The following PHC2 variants were observed in gnomAD, a reference collection of about 807,000 sequenced individuals.
PHC2 encodes polyhomeotic-like protein 2.
In PHC2, 29 loss-of-function variants were observed where a neutral mutation model predicts 87.4. The ratio of observed to expected loss-of-function variants is 0.33; its 90% CI spans 0.25 to 0.45. PHC2 has a LOEUF of 0.45. PHC2 is among the 20% of genes least tolerant of loss of function. PHC2 has a pLI of 1.00. For synonymous variants in PHC2, 438 were observed against 461.7 expected (o/e 0.95, Z 0.66); for missense variants, 857 against 1,136.7 (o/e 0.75, Z 3.54).
At chr1:33,430,862 G>C (rs1481260202) in intron 1 of PHC2, 114 bp downstream of exon 1, 1 of 150,312 alleles carries the variant, frequency 6.7e-6, no homozygotes, top group African/African-American at 2.4e-5. Context: ...GCTCCGGCCC[G>C]ACCGTGACAG....
At chr1:33,414,819 G>A (rs1238169322) in intron 1 of PHC2, among the ~76,000 whole-genome samples, 1 of 152,158 alleles carries the variant, frequency 6.6e-6, no homozygotes, top group Non-Finnish European at 1.5e-5. Flanking sequence ...TATTTTAAAT[G>A]ACAGAATTTC....
intron 7 of PHC2, among the ~76,000 whole-genome samples, chr1:33,360,714 T>A (rs1647180601): frequency 6.6e-6 from 1 of 152,260 alleles, no homozygotes. Flanking sequence ...CATTTAAATC[T>A]AATTTATTTC....
intron 9 of PHC2, chr1:33,347,177 G>A: frequency 2.0e-6 from 2 of 985,290 alleles, no homozygotes; most frequent in Non-Finnish European, 2.4e-6. Context: ...GCTGAGGGAA[G>A]GGCTTGGTGG....
intron 14 of PHC2, among the ~76,000 whole-genome samples, chr1:33,327,610 G>A (rs116272364): frequency 2.4e-3 from 373 of 152,350 alleles, no homozygotes; most frequent in African/African-American, 8.5e-3. Context: ...GAAAATGCCA[G>A]TACGTGGCTT....
intron 9 of PHC2, among the ~76,000 whole-genome samples, chr1:33,352,168 G>T (rs1302274374): frequency 6.6e-6 from 1 of 152,152 alleles, no homozygotes; most frequent in Non-Finnish European, 1.5e-5. Flanking sequence ...GGGGTTTCTG[G>T]ATTACAAACA....
chr1:33,332,467 C>A lies in PHC2; in HGVS notation c.1762-63G>T, dbSNP rs577439356. ...TGGGAGCGGCTTCCTTGCTATCCAT[C>A]CTCATCACAATTACACGTATAAAGT... On this transcript the variant is annotated intron_variant, in intron 10 of 14. Transcript: ENST00000683057. This position sits in a 1 kb window ranked among gnomAD's most constrained non-coding sequence, Gnocchi z 4.2. 27 of 1,592,464 alleles carry A rather than the reference C, an allele frequency of 1.7e-5. No homozygotes were observed. In the South Asian group the frequency reaches 2.8e-4, roughly 16 times the overall value.
chr1:33,354,539 T>G lies in PHC2; in HGVS notation c.1420A>C (p.Lys474Gln), dbSNP rs1435350978. Residue 474 changes from lysine (K) to glutamine (Q), a missense_variant, in exon 9 of 15, where the codon AAA becomes CAA. Coordinates refer to ENST00000683057, the MANE Select transcript of PHC2 (RefSeq NM_001385109.1). ...VPQQCVPDDW[K>Q]EVAPGEKSVP... ...CTTTTCTCCCCTGGTGCCACTTCTT[T>G]CCAGTCATCAGGGACACACTGCTGG... 6.2e-7 allele frequency: 1 copy of G among 1,613,860 alleles called. No homozygotes were observed. The highest frequency in any genetic ancestry group is 8.5e-7 in the Non-Finnish European group (1 of 1,179,932).
At chr1:33,373,191 C>T (rs1570495730) in intron 2 of PHC2, among the ~76,000 whole-genome samples, 1 of 152,146 alleles carries the variant, frequency 6.6e-6, no homozygotes, top group African/African-American at 2.4e-5. Context: ...GATCTCGGCT[C>T]ACTGCAACCT....
rs555959736 is a variant in PHC2, at chr1:33,368,374, T to C, written c.663+162A>G. Among the ~76,000 whole-genome samples, 1 of 152,326 alleles carries C rather than the reference T, an allele frequency of 6.6e-6. No homozygotes were observed. The highest frequency in any genetic ancestry group is 1.9e-4 in the East Asian group (1 of 5,174). ...ACAGAGCCAGGAGGGACTGAGGCCT[T>C]CTGGAACAGGGTAGACGCGCAGGCC... On this transcript the variant is annotated intron_variant, in intron 6 of 14. Coordinates refer to ENST00000683057, the MANE Select transcript of PHC2 (RefSeq NM_001385109.1). This position sits in a 1 kb window ranked among gnomAD's most constrained non-coding sequence, Gnocchi z 6.6.
intron 1 of PHC2, among the ~76,000 whole-genome samples, chr1:33,413,392 T>C (rs950312215): frequency 1.3e-5 from 2 of 152,236 alleles, no homozygotes; most frequent in Admixed American, 6.5e-5. Context: ...TATTGAAATA[T>C]AGCCAGTCCA....
chr1:33,337,286 A>G (rs544321525), intron 9 of PHC2, among the ~76,000 whole-genome samples: 1 of 152,334 alleles, frequency 6.6e-6, no homozygotes, highest in South Asian at 2.1e-4. Flanking sequence ...CTCCAGCGAC[A>G]AAGAAACTCA....
intron 1 of PHC2, among the ~76,000 whole-genome samples, chr1:33,384,556 G>A (rs866179600): frequency 5.3e-5 from 8 of 152,220 alleles, no homozygotes; most frequent in Non-Finnish European, 7.4e-5. Context: ...TGCCTACCAC[G>A]TGCTCCCACA....
At chr1:33,415,416 A>T (rs1650164028) in intron 1 of PHC2, among the ~76,000 whole-genome samples, 1 of 152,220 alleles carries the variant, frequency 6.6e-6, no homozygotes, top group African/African-American at 2.4e-5. Flanking sequence ...ATATTGACAA[A>T]GTAGTGAGGG....
At chr1:33,339,048 G>T (rs1003521007) in intron 9 of PHC2, among the ~76,000 whole-genome samples, 1 of 152,178 alleles carries the variant, frequency 6.6e-6, no homozygotes, top group Non-Finnish European at 1.5e-5. Flanking sequence ...GGTACAAACA[G>T]CCCTTACAGG....
At chr1:33,416,098 AT>A (rs1033746536) in intron 1 of PHC2, among the ~76,000 whole-genome samples, 6 of 152,242 alleles carry the variant, frequency 3.9e-5, no homozygotes, top group South Asian at 2.1e-4. Context: ...ACATAAAAAA[AT>A]ATTTGAAGAA....
At chr1:33,372,083 G>A (rs534146416) in intron 3 of PHC2, among the ~76,000 whole-genome samples, 7 of 152,344 alleles carry the variant, frequency 4.6e-5, no homozygotes, top group African/African-American at 1.2e-4. Flanking sequence ...GCATTCCGCC[G>A]CTATAGTCAC....
intron 2 of PHC2, among the ~76,000 whole-genome samples, chr1:33,373,120 C>CTT (rs11422037): frequency 4.0e-5 from 6 of 151,484 alleles, no homozygotes; most frequent in South Asian, 4.2e-4. Context: ...CCCTTTTATT[C>CTT]TTTTTTTTGG....
At chr1:33,388,208 A>G (rs1396214869) in intron 1 of PHC2, among the ~76,000 whole-genome samples, 1 of 152,146 alleles carries the variant, frequency 6.6e-6, no homozygotes, top group Non-Finnish European at 1.5e-5. Flanking sequence ...TCATAGTTGG[A>G]GAAAGCTGTC....
intron 9 of PHC2, among the ~76,000 whole-genome samples, chr1:33,335,835 G>A (rs1646616415): frequency 6.6e-6 from 1 of 151,770 alleles, no homozygotes; most frequent in Non-Finnish European, 1.5e-5. Context: ...AGGGGGTGGA[G>A]GCTGCAGTGA....
Sources: allele counts gnomAD v4.1 joint callset (sites outside exome capture counted in the v4.1 genomes callset), GRCh38; gene constraint gnomAD v4.1.1; non-coding constraint Gnocchi (gnomAD v3.1); transcripts MANE v1.5; gene names NCBI Gene and HGNC (gene_info 2026-07-23, HGNC 2026-07-21).